The following VWA3A variants were observed in gnomAD, a reference collection of about 807,000 sequenced individuals.
VWA3A encodes von Willebrand factor A domain containing 3A.
VWA3A carries 134 observed loss-of-function variants against 160.4 expected under a neutral mutation model. The ratio of observed to expected loss-of-function variants is 0.84; its 90% CI spans 0.73 to 0.96. VWA3A has a LOEUF of 0.96. Ranked by LOEUF, VWA3A falls within the 40% of genes least tolerant of loss-of-function variation. The probability of loss-of-function intolerance (pLI) is 0.00; values close to 1 mark genes in which losing one functional copy is unlikely to be tolerated. For missense variants in VWA3A, 1,310 were observed against 1,447.9 expected, an observed-to-expected ratio of 0.90 and a Z score of 1.55; for synonymous variants, 476 against 543.4, an observed-to-expected ratio of 0.88 and a Z score of 1.72.
intron 13 of VWA3A, 135 bp from the exon 14 acceptor site, chr16:22,121,379 G>C: frequency 1.2e-6 from 1 of 807,852 alleles, no homozygotes; most frequent in Non-Finnish European, 2.0e-6. Context: ...AGGAGTTTGA[G>C]GATGCAGTGA....
chr16:22,139,062 C>G (rs1330126754), intron 22 of VWA3A, among the ~76,000 whole-genome samples: 1 of 152,102 alleles, frequency 6.6e-6, no homozygotes, highest in Non-Finnish European at 1.5e-5. Context: ...CTGGGAGGGA[C>G]ACCTGTGAGT....
intron 2 of VWA3A, 25 bp from the exon 3 acceptor site, chr16:22,097,547 G>A: frequency 1.3e-6 from 2 of 1,550,164 alleles, no homozygotes; most frequent in Non-Finnish European, 1.7e-6. Context: ...CTGGGGCATT[G>A]ATCAAATTAC....
intron 30 of VWA3A, among the ~76,000 whole-genome samples, chr16:22,151,663 G>A (rs1231713246): frequency 1.3e-5 from 2 of 152,028 alleles, no homozygotes; most frequent in Non-Finnish European, 2.9e-5. Flanking sequence ...CTTGAGGCCA[G>A]GAGTTCGAGA....
chr16:22,143,966 C>G (rs927514727), intron 25 of VWA3A, among the ~76,000 whole-genome samples: 1 of 151,794 alleles, frequency 6.6e-6, no homozygotes, highest in Non-Finnish European at 1.5e-5. Context: ...TCTCAAACTC[C>G]TGACCTCAGG....
intron 17 of VWA3A, among the ~76,000 whole-genome samples, chr16:22,130,643 G>T (rs985656359): frequency 6.6e-6 from 1 of 152,038 alleles, no homozygotes; most frequent in African/African-American, 2.4e-5. Flanking sequence ...TCACTCCATT[G>T]CCCAGACTGG....
intron 1 of VWA3A, 48 bp downstream of exon 1, chr16:22,092,699 G>A (rs774498772): frequency 4.4e-5 from 68 of 1,548,306 alleles, no homozygotes; most frequent in Admixed American, 7.9e-5. Flanking sequence ...AGAGGGTGTC[G>A]GGGAGGCCAG....
At position 22,131,605 on chromosome 16, in the gene VWA3A, G is replaced by A. The variant is rs2045950104; in HGVS notation, c.1748G>A (p.Cys583Tyr). The A allele has an allele frequency of 1.5e-5, 25 of 1,613,566 alleles. No individual in the cohort carries two copies. Among genetic ancestry groups the A allele is most frequent in the East Asian group, 2.2e-5 (1 of 44,884 alleles). ...SAWRWALNLR[C>Y]RGSRNVLSAL... ...CGCAGGTGGGCCCTGAACCTGCGGT[G>A]TCGGGGCAGCAGGAACGTTCTCAGC... The change falls in exon 19 of 34, where the codon TGT (cysteine) becomes TAT (tyrosine). Residue 583 changes from cysteine (C) to tyrosine (Y), a missense_variant. By Grantham distance (194) the Cys-to-Tyr change is radical. Coordinates refer to ENST00000389398, the MANE Select transcript of VWA3A (RefSeq NM_173615.5).
chr16:22,125,575 C>A (rs1454476249), intron 16 of VWA3A, among the ~76,000 whole-genome samples: 2 of 151,980 alleles, frequency 1.3e-5, no homozygotes, highest in Non-Finnish European at 2.9e-5. Flanking sequence ...AGTCGCCCGC[C>A]ACCACGCTCG....
intron 23 of VWA3A, among the ~76,000 whole-genome samples, chr16:22,140,904 G>A (rs971123110): frequency 5.9e-5 from 9 of 152,136 alleles, no homozygotes; most frequent in Non-Finnish European, 1.2e-4. Context: ...GAGCCACCAC[G>A]CCTGGCCACA....
At chr16:22,115,928 A>AAGGAAGG (rs1267589853) in intron 9 of VWA3A, among the ~76,000 whole-genome samples, 8 of 27,300 alleles carry the variant, frequency 2.9e-4, no homozygotes, top group African/African-American at 1.7e-3. Flanking sequence ...GAAGGAAAGG[A>AAGGAAGG]AAGGAAAGGA....
At chr16:22,111,092 C>G in intron 8 of VWA3A, 98 bp downstream of exon 8, 1 of 1,054,286 alleles carries the variant, frequency 9.5e-7, no homozygotes, top group Non-Finnish European at 1.4e-6. Flanking sequence ...AACCCCAGGA[C>G]CCTACTAGAT....
Position 22,140,241 on chromosome 16 carries a change from C to T in VWA3A, c.2380C>T (p.Pro794Ser), listed in dbSNP as rs1326299360. The stretch of plus-strand genomic sequence containing the variant: ...ACTCAGTAGCAGAGTTGGCATCTCA[C>T]CAGGTAAGGCACCATCACGGTCAGG... Reference protein sequence around the residue: ...RPLSSRVGISPAAAQPTKEGM... With the variant: ...RPLSSRVGISSAAAQPTKEGM... The change falls in exon 23 of 34, where the codon CCA becomes TCA. Residue 794 changes from proline (P) to serine (S), a missense_variant. Physicochemically the swap from Pro to Ser is moderately conservative, Grantham distance 74. Coordinates refer to ENST00000389398, the MANE Select transcript of VWA3A (RefSeq NM_173615.5). 16 of 1,613,200 alleles carry T rather than the reference C, an allele frequency of 9.9e-6. No homozygotes were observed. The East Asian group carries it at 3.6e-4, about 36-fold the overall frequency.
chr16:22,149,622 G>C (rs2046312428), intron 28 of VWA3A, among the ~76,000 whole-genome samples, 165 bp from the exon 29 acceptor site: 1 of 152,190 alleles, frequency 6.6e-6, no homozygotes, highest in Non-Finnish European at 1.5e-5. Context: ...AGGCCCCACA[G>C]CCCTCTCCCT....
At chr16:22,134,550 C>A in intron 21 of VWA3A, 112 bp downstream of exon 21, 1 of 887,414 alleles carries the variant, frequency 1.1e-6, no homozygotes, top group Non-Finnish European at 1.7e-6. Flanking sequence ...GATTCTCTCA[C>A]TTCCAGAGGC....
chr16:22,141,148 G>A (rs1326039302), intron 23 of VWA3A: 5 of 456,942 alleles, frequency 1.1e-5, no homozygotes, highest in South Asian at 7.8e-5. Flanking sequence ...CAATCTTAAT[G>A]AAAGTACTCA....
At chr16:22,154,808 G>T (rs951380569) in intron 31 of VWA3A, among the ~76,000 whole-genome samples, 1 of 150,242 alleles carries the variant, frequency 6.7e-6, no homozygotes, top group Non-Finnish European at 1.5e-5. Context: ...CAAAAAATTA[G>T]CCGGGCGCGG....
At chr16:22,135,086 A>G (rs1435779158) in intron 21 of VWA3A, among the ~76,000 whole-genome samples, 1 of 152,204 alleles carries the variant, frequency 6.6e-6, no homozygotes, top group Non-Finnish European at 1.5e-5. Flanking sequence ...TTTTTAAAAA[A>G]GGTATCTCAG....
rs1243312787 is a variant in VWA3A at position 22,144,375 on chromosome 16, T to A, written c.2721T>A (p.Val907=). ...SAKHCSIFPS[V]EIHGVVRHIQ... ...AACACTGCAGCATCTTCCCCAGCGT[T>A]GAGATCCATGTAAGTCACAATTTTC... The change falls in exon 26 of 34, where the codon GTT becomes GTA. Residue 907 remains valine (V), a synonymous_variant. Transcript: ENST00000389398. 8.1e-6 allele frequency: 13 copies of A among 1,609,640 alleles called. No individual in the cohort carries two copies. The highest frequency in any genetic ancestry group is 9.3e-6 in the Non-Finnish European group (11 of 1,178,926).
chr16:22,146,120 C>T (rs1353188547), intron 26 of VWA3A, 116 bp from the exon 27 acceptor site: 8 of 872,394 alleles, frequency 9.2e-6, no homozygotes, highest in Non-Finnish European at 1.2e-5. Flanking sequence ...CCGTGCCCAG[C>T]CAACAAATAT....
Sources: allele counts gnomAD v4.1 joint callset (sites outside exome capture counted in the v4.1 genomes callset), GRCh38; gene constraint gnomAD v4.1.1; transcripts MANE v1.5; gene names NCBI Gene and HGNC (gene_info 2026-07-23, HGNC 2026-07-21).